Variants in EPHA7 observed in about 807,000 individuals in gnomAD.
EPHA7 encodes EPH receptor A7.
In EPHA7, 25 loss-of-function variants were observed where a neutral mutation model predicts 112.6. That is an observed-to-expected ratio of 0.22 (90% CI 0.16 to 0.31). The LOEUF is 0.31. EPHA7 is among the 10% of genes least tolerant of loss of function. The pLI is 1.00. For missense variants in EPHA7, 962 were observed against 1,212.6 expected (o/e 0.79, Z 3.07); for synonymous variants, 437 against 406.5 (o/e 1.07, Z -0.90).
At chr6:93,244,466 C>T (rs886817027) in intron 16 of EPHA7, among the ~76,000 whole-genome samples, 4 of 152,016 alleles carry the variant, frequency 2.6e-5, no homozygotes, top group Admixed American at 2.0e-4. Flanking sequence ...CAAATGGAAC[C>T]TTGATTATTG....
chr6:93,298,761 T>C (rs963095441), intron 5 of EPHA7, among the ~76,000 whole-genome samples: 1 of 152,204 alleles, frequency 6.6e-6, no homozygotes, highest in Non-Finnish European at 1.5e-5. Flanking sequence ...TAAATATTTC[T>C]GGAGGTCAGT....
chr6:93,295,250 T>C (rs2127842160), intron 5 of EPHA7, among the ~76,000 whole-genome samples: 1 of 152,168 alleles, frequency 6.6e-6, no homozygotes, highest in African/African-American at 2.4e-5. Context: ...CAACCAGCCG[T>C]TTATGAAATT....
chr6:93,386,425 T>C (rs986217589), intron 3 of EPHA7, among the ~76,000 whole-genome samples: 1 of 152,290 alleles, frequency 6.6e-6, no homozygotes, highest in Non-Finnish European at 1.5e-5. Flanking sequence ...ATGATCTCTT[T>C]TGACTCTATG....
intron 5 of EPHA7, among the ~76,000 whole-genome samples, chr6:93,344,532 T>A (rs1298486585): frequency 1.3e-5 from 2 of 151,694 alleles, no homozygotes; most frequent in African/African-American, 2.4e-5. Flanking sequence ...TAAAAAGTAA[T>A]CTATTACAAT....
At chr6:93,386,464 A>AG (rs1321998827) in intron 3 of EPHA7, among the ~76,000 whole-genome samples, 1 of 152,088 alleles carries the variant, frequency 6.6e-6, no homozygotes, top group Non-Finnish European at 1.5e-5. Context: ...CTGATGTAAG[A>AG]GGGGGGCTCC....
At chr6:93,406,679 G>A (rs183218047) in intron 3 of EPHA7, among the ~76,000 whole-genome samples, 1 of 151,974 alleles carries the variant, frequency 6.6e-6, no homozygotes, top group East Asian at 1.9e-4. Context: ...GAATGTGACT[G>A]TTCAGTATAA....
chr6:93,254,839 T>C (rs1311765877), intron 13 of EPHA7, 43 bp from the exon 14 acceptor site: 1 of 1,516,844 alleles, frequency 6.6e-7, no homozygotes, highest in Non-Finnish European at 9.0e-7. Context: ...GTATAATAAC[T>C]GATATATTAT....
At chr6:93,344,803 C>CT (rs1775314080) in intron 5 of EPHA7, among the ~76,000 whole-genome samples, 1 of 151,540 alleles carries the variant, frequency 6.6e-6, no homozygotes, top group Non-Finnish European at 1.5e-5. Flanking sequence ...CCTTATTCAA[C>CT]TGGCCTGGCC....
chr6:93,279,032 C>A (rs963457281), intron 5 of EPHA7, among the ~76,000 whole-genome samples: 8 of 151,994 alleles, frequency 5.3e-5, no homozygotes, highest in African/African-American at 1.9e-4. Context: ...GCTGCAGATA[C>A]TAGAAGAGAT....
intron 1 of EPHA7, among the ~76,000 whole-genome samples, chr6:93,418,312 A>G (rs13198218): frequency 6.6e-6 from 1 of 152,206 alleles, no homozygotes; most frequent in African/African-American, 2.4e-5. Flanking sequence ...GGAAAACATA[A>G]CCATATACAG....
At chr6:93,366,147 A>G (rs963858217) in intron 3 of EPHA7, among the ~76,000 whole-genome samples, 2 of 152,228 alleles carry the variant, frequency 1.3e-5, no homozygotes, top group Admixed American at 6.5e-5. Context: ...AAAGAAAAAA[A>G]AAGTCAAGTT....
Position 93,386,762 on chromosome 6 carries a change from G to A in EPHA7, c.832+23739C>T, listed in dbSNP as rs1777628291. On this transcript the variant is annotated intron_variant, in intron 3 of 16. Transcript: ENST00000369303. Reference sequence around the variant, plus strand: ...AGGTTCCCAAACCTCAATTCTTGATGTCTGTGCACCTGCAGGACCAACACC... The same window carrying A: ...AGGTTCCCAAACCTCAATTCTTGATATCTGTGCACCTGCAGGACCAACACC... 2.6e-5 allele frequency among the ~76,000 whole-genome samples: 4 copies of A among 152,276 alleles called. No individual in the cohort carries two copies. The South Asian group carries it at 8.3e-4, about 32-fold the overall frequency.
Position 93,376,300 on chromosome 6 carries a change from G to A in EPHA7, c.833-17889C>T, listed in dbSNP as rs566648623. ...GACCACAGGCATGAGTCACCACACT[G>A]AGCTAATTTTTAACATTATTTTTAG... On this transcript the variant is annotated intron_variant, in intron 3 of 16. Coordinates refer to ENST00000369303, the MANE Select transcript of EPHA7 (RefSeq NM_004440.4). Among the ~76,000 whole-genome samples, 5 of 152,106 alleles carry A rather than the reference G, an allele frequency of 3.3e-5. No homozygotes were observed. In the East Asian group the frequency reaches 7.8e-4, roughly 24 times the overall value.
chr6:93,369,771 G>A (rs1433108045), intron 3 of EPHA7, among the ~76,000 whole-genome samples: 1 of 152,180 alleles, frequency 6.6e-6, no homozygotes, highest in Non-Finnish European at 1.5e-5. Flanking sequence ...ATAGCAGGAG[G>A]TTAATCTATG....
At chr6:93,307,126 A>T (rs1373842385) in intron 5 of EPHA7, among the ~76,000 whole-genome samples, 1 of 151,970 alleles carries the variant, frequency 6.6e-6, no homozygotes, top group African/African-American at 2.4e-5. Flanking sequence ...TCTAAACTGC[A>T]TCTCTTTATA....
chr6:93,263,430 G>C (rs964584155), intron 9 of EPHA7, among the ~76,000 whole-genome samples: 9 of 151,326 alleles, frequency 5.9e-5, no homozygotes, highest in Admixed American at 5.3e-4. Context: ...GTAATTTATA[G>C]TAGCTGAAGA....
chr6:93,326,065 G>C (rs1208208395), intron 5 of EPHA7, among the ~76,000 whole-genome samples: 1 of 151,340 alleles, frequency 6.6e-6, no homozygotes, highest in Non-Finnish European at 1.5e-5. Flanking sequence ...CCAAACATTA[G>C]TTACATAGCA....
At chr6:93,293,750 G>C (rs2127840209) in intron 5 of EPHA7, among the ~76,000 whole-genome samples, 1 of 152,238 alleles carries the variant, frequency 6.6e-6, no homozygotes, top group East Asian at 1.9e-4. Flanking sequence ...GTAAAGAAAA[G>C]CTTTCAATTT....
intron 5 of EPHA7, among the ~76,000 whole-genome samples, chr6:93,283,940 T>C (rs182612778): frequency 9.4e-4 from 143 of 152,342 alleles, no homozygotes; most frequent in African/African-American, 3.2e-3. Flanking sequence ...ATCACTATAT[T>C]ACATAAAATA....
Sources: allele counts gnomAD v4.1 joint callset (sites outside exome capture counted in the v4.1 genomes callset), GRCh38; gene constraint gnomAD v4.1.1; transcripts MANE v1.5; gene names NCBI Gene and HGNC (gene_info 2026-07-23, HGNC 2026-07-21).